Variants in SPEF2 observed in about 807,000 individuals in gnomAD.
SPEF2 encodes sperm flagella and cilia-associated protein 2.
In SPEF2, 187 loss-of-function variants were observed where a neutral mutation model predicts 224.6. That is an observed-to-expected ratio of 0.83 (90% confidence interval 0.74 to 0.94). The LOEUF (loss-of-function observed/expected upper bound fraction) is 0.94, where lower values mean the gene tolerates loss of function less well. Among genes scored for constraint, SPEF2 ranks in the 40% least tolerant of loss-of-function variants. SPEF2 has a pLI of 0.00. For missense variants in SPEF2, 2,170 were observed against 2,135.6 expected, an observed-to-expected ratio of 1.02 and a Z score of -0.32; for synonymous variants, 715 against 707.3, an observed-to-expected ratio of 1.01 and a Z score of -0.17.
chr5:35,640,283 C>T (rs1442775966), intron 2 of SPEF2, among the ~76,000 whole-genome samples: 1 of 152,146 alleles, frequency 6.6e-6, no homozygotes, highest in Non-Finnish European at 1.5e-5. Flanking sequence ...CAGACCAAAG[C>T]TCTGACAGAT....
intron 35 of SPEF2, 54 bp downstream of exon 35, chr5:35,807,006 G>A: frequency 6.4e-7 from 1 of 1,564,220 alleles, no homozygotes; most frequent in South Asian, 1.2e-5. Context: ...ATATTTTTAT[G>A]GAATTGCTCT....
rs748087935 is a variant in SPEF2 at position 35,814,530 on chromosome 5, A to G, written c.5446A>G (p.Arg1816Gly). ...AAGTGATGGAGAGAGATCACCTTCA[A>G]GACATACAGAGGAAAAGAAATGAAG... ...QGSDGERSPS[R>G]HTEEKK The change falls in exon 37 of 37, where the codon AGA becomes GGA. Residue 1816 changes from arginine (R) to glycine (G), a missense_variant. Coordinates refer to ENST00000356031, the MANE Select transcript of SPEF2 (RefSeq NM_024867.4). 1.2e-6 allele frequency: 2 copies of G among 1,606,926 alleles called. No individual in the cohort carries two copies. Among genetic ancestry groups the G allele is most frequent in the South Asian group, 1.1e-5 (1 of 89,748 alleles).
chr5:35,712,971 G>C, intron 20 of SPEF2, 85 bp downstream of exon 20: 5 of 1,196,840 alleles, frequency 4.2e-6, no homozygotes, highest in South Asian at 1.4e-5. Context: ...TTGTATAGTA[G>C]TATACATTGA....
At chr5:35,671,498 A>G (rs920317708) in intron 10 of SPEF2, 20 of 866,300 alleles carry the variant, frequency 2.3e-5, no homozygotes, top group Non-Finnish European at 2.7e-5. Context: ...ATGCCATGTA[A>G]GAAAATGCTT....
chr5:35,778,994 G>T, intron 29 of SPEF2, 123 bp from the exon 30 acceptor site: 1 of 568,158 alleles, frequency 1.8e-6, no homozygotes. Flanking sequence ...TTATAAGCAT[G>T]CAGATGGAGT....
rs79526430 is a variant in SPEF2 at position 35,735,793 on chromosome 5, C to A, written c.3064-4126C>A. On this transcript the variant is annotated intron_variant, in intron 21 of 36. Transcript: ENST00000356031. ...TTAAATAAAATATAAAAGAAGCTTT[C>A]TGATTTTCATTATGCACACAGCAAT... 9.7e-3 allele frequency among the ~76,000 whole-genome samples: 1,476 copies of A among 152,302 alleles called. 27 individuals are homozygous for A. Among genetic ancestry groups the A allele is most frequent in the African/African-American group, 0.033 (1,360 of 41,566 alleles).
intron 30 of SPEF2, among the ~76,000 whole-genome samples, 197 bp downstream of exon 30, chr5:35,779,543 A>T (rs1561352557): frequency 6.6e-6 from 1 of 152,320 alleles, no homozygotes; most frequent in East Asian, 1.9e-4. Context: ...CACTGTGAAT[A>T]ATGCTTGAGC....
intron 21 of SPEF2, among the ~76,000 whole-genome samples, chr5:35,739,683 C>T (rs1453054988): frequency 2.6e-5 from 4 of 152,044 alleles, no homozygotes; most frequent in Admixed American, 6.6e-5. Flanking sequence ...CACGACCGCC[C>T]GCCCCCAATT....
In SPEF2 at chr5:35,691,205, T is replaced by G; in HGVS notation, c.1693T>G (p.Leu565Val). 1.2e-6 allele frequency: 2 copies of G among 1,614,038 alleles called. No homozygotes were observed. Among genetic ancestry groups the G allele is most frequent in the Non-Finnish European group, 1.7e-6 (2 of 1,179,934 alleles). ...TTCATTTGCTGTTAAAGGATGCTTA[T>G]TGGGGAAAACATTAAGTGGAAAAAC... Reference protein sequence around the residue: ...LPSFAVKGCLLGKTLSGKTTI... With the variant: ...LPSFAVKGCLVGKTLSGKTTI... The change falls in exon 11 of 37, where the codon TTG becomes GTG. Residue 565 changes from leucine to valine, a missense_variant. Coordinates refer to ENST00000356031, the MANE Select transcript of SPEF2 (RefSeq NM_024867.4).
intron 21 of SPEF2, among the ~76,000 whole-genome samples, chr5:35,739,473 C>T (rs1431734808): frequency 2.0e-5 from 3 of 152,178 alleles, no homozygotes; most frequent in Non-Finnish European, 4.4e-5. Context: ...AGCTCCGCCT[C>T]CCAGGTTCAA....
chr5:35,788,792 A>G, intron 30 of SPEF2: 1 of 702,994 alleles, frequency 1.4e-6, no homozygotes, highest in South Asian at 1.5e-5. Flanking sequence ...ACTATCTTAC[A>G]AAGCGGTGTT....
At chr5:35,666,422 G>A (rs535418687) in intron 8 of SPEF2, among the ~76,000 whole-genome samples, 7 of 152,240 alleles carry the variant, frequency 4.6e-5, no homozygotes, top group African/African-American at 1.7e-4. Flanking sequence ...AGGAGAGGGC[G>A]ATAACAAGCT....
At chr5:35,691,544 A>G (rs1291311359) in intron 11 of SPEF2, among the ~76,000 whole-genome samples, 16 of 152,216 alleles carry the variant, frequency 1.1e-4, no homozygotes, top group Admixed American at 1.0e-3. Flanking sequence ...TGAAATATCC[A>G]AAATAGGCAA....
Position 35,814,548 on chromosome 5 carries a change from A to G in SPEF2, c.5464A>G (p.Lys1822Glu), listed in dbSNP as rs1164698167. ...ACCTTCAAGACATACAGAGGAAAAG[A>G]AATGAAGACAAAAGAGTGTGATTTT... ...RSPSRHTEEK[K>E] is the part of the protein sequence containing the mutation. The change falls in exon 37 of 37, where the codon AAA becomes GAA. Residue 1822 changes from lysine to glutamate, a missense_variant. By Grantham distance (56) the Lys-to-Glu change is moderately conservative. Transcript: ENST00000356031. 3 of 1,592,524 alleles carry G rather than the reference A, an allele frequency of 1.9e-6. No individual in the cohort carries two copies. Among genetic ancestry groups the G allele is most frequent in the Non-Finnish European group, 2.6e-6 (3 of 1,167,402 alleles).
At chr5:35,741,611 A>C (rs1747652019) in intron 23 of SPEF2, among the ~76,000 whole-genome samples, 1 of 152,212 alleles carries the variant, frequency 6.6e-6, no homozygotes, top group Admixed American at 6.5e-5. Flanking sequence ...AAGAGTCTGC[A>C]GTAGAGTAAA....
intron 36 of SPEF2, chr5:35,807,587 C>G: frequency 6.8e-7 from 1 of 1,477,858 alleles, no homozygotes; most frequent in South Asian, 1.2e-5. Context: ...CTAACCAAGA[C>G]CATGATCTCC....
At position 35,807,267 on chromosome 5, in the gene SPEF2, C is replaced by A. The variant is rs1412318823; in HGVS notation, c.5379+14C>A. Reference sequence around the variant, plus strand: ...TATAAGTTTCCTGTGAGTATTACCCCAAAGTGCTCTAATTTGGTTGGGCTC... The same window carrying A: ...TATAAGTTTCCTGTGAGTATTACCCAAAAGTGCTCTAATTTGGTTGGGCTC... On this transcript the variant is annotated intron_variant, in intron 36 of 36. Transcript: ENST00000356031. The A allele has an allele frequency of 1.7e-5, 27 of 1,604,852 alleles. No homozygotes were observed. The highest frequency in any genetic ancestry group is 2.2e-5 in the Non-Finnish European group (26 of 1,177,666).
At chr5:35,618,145 G>A (rs1742926844) in intron 1 of SPEF2, 90 bp downstream of exon 1, 2 of 1,426,364 alleles carry the variant, frequency 1.4e-6, no homozygotes, top group African/African-American at 2.8e-5. Context: ...GAAGGTGGCG[G>A]GCAGGGCGCG....
At chr5:35,620,249 G>A (rs1743318281) in intron 1 of SPEF2, among the ~76,000 whole-genome samples, 1 of 152,116 alleles carries the variant, frequency 6.6e-6, no homozygotes, top group African/African-American at 2.4e-5. Flanking sequence ...GGCTTTGGAT[G>A]GTTTGTAGAA....
Sources: gnomAD v4.1 joint callset for allele counts (sites outside exome capture counted in the v4.1 genomes callset) on GRCh38, gnomAD v4.1.1 for gene constraint, MANE v1.5 for transcripts, NCBI Gene and HGNC (gene_info 2026-07-23, HGNC 2026-07-21) for gene names.